The following CTNNA2 variants were observed in gnomAD, a reference collection of about 807,000 sequenced individuals.
The protein encoded by CTNNA2 is catenin alpha-2.
Under a neutral mutation model 101.0 loss-of-function variants are expected in CTNNA2, and 42 were observed. The ratio of observed to expected loss-of-function variants is 0.42; its 90% CI spans 0.32 to 0.54. The LOEUF (loss-of-function observed/expected upper bound fraction) is 0.54, where lower values mean the gene tolerates loss of function less well. Ranked by LOEUF, CTNNA2 falls within the 20% of genes least tolerant of loss-of-function variation. The probability of loss-of-function intolerance (pLI) is 0.14; values close to 1 mark genes in which losing one functional copy is unlikely to be tolerated. For missense variants in CTNNA2, 871 were observed against 1,223.1 expected, an observed-to-expected ratio of 0.71 and a Z score of 4.29; for synonymous variants, 450 against 456.4, an observed-to-expected ratio of 0.99 and a Z score of 0.18.
chr2:80,054,948 C>T (rs1697122866), intron 7 of CTNNA2, among the ~76,000 whole-genome samples: 2 of 152,026 alleles, frequency 1.3e-5, no homozygotes, highest in South Asian at 4.2e-4. Flanking sequence ...AAGAATGGTG[C>T]TATTTTTATA....
intron 2 of CTNNA2, among the ~76,000 whole-genome samples, chr2:79,291,431 C>A (rs1675810392): frequency 6.6e-6 from 1 of 152,174 alleles, no homozygotes; most frequent in South Asian, 2.1e-4. Flanking sequence ...CTTCCTCACA[C>A]CTGGGCCTAT....
intron 2 of CTNNA2, among the ~76,000 whole-genome samples, chr2:79,239,092 A>T (rs1217462295): frequency 6.6e-6 from 1 of 152,024 alleles, no homozygotes; most frequent in Non-Finnish European, 1.5e-5. Context: ...TGCATTAGCT[A>T]TTATTTTAAT....
At chr2:80,009,271 G>A (rs1395923491) in intron 7 of CTNNA2, among the ~76,000 whole-genome samples, 3 of 152,164 alleles carry the variant, frequency 2.0e-5, no homozygotes, top group Non-Finnish European at 4.4e-5. Flanking sequence ...CCTTCAATGT[G>A]ATTATTTTAC....
At chr2:80,338,296 CT>C (rs201060579) in intron 7 of CTNNA2, among the ~76,000 whole-genome samples, 2 of 125,630 alleles carry the variant, frequency 1.6e-5, no homozygotes, top group African/African-American at 7.1e-5. Context: ...GCCTTTTTTT[CT>C]TTTTCTTTTT....
intron 1 of CTNNA2, among the ~76,000 whole-genome samples, chr2:79,513,680 G>A (rs908606845): frequency 4.0e-5 from 6 of 151,450 alleles, no homozygotes; most frequent in Non-Finnish European, 1.5e-5. Flanking sequence ...TAGAGTACTG[G>A]GAACTGGAGG....
chr2:79,910,595 A>G (rs1402796987), intron 7 of CTNNA2, among the ~76,000 whole-genome samples: 3 of 152,214 alleles, frequency 2.0e-5, no homozygotes, highest in Non-Finnish European at 4.4e-5. Flanking sequence ...CGGGTTTGAG[A>G]TAATTTAGCA....
At position 79,744,395 on chromosome 2, in the gene CTNNA2, A is replaced by G; in HGVS notation, c.111A>G (p.Thr37=). The change falls in exon 3 of 19, where the codon ACA becomes ACG. Residue 37 remains threonine, a synonymous_variant. Coordinates refer to ENST00000402739, the MANE Select transcript of CTNNA2 (RefSeq NM_001282597.3). The stretch of plus-strand genomic sequence containing the variant: ...TCTCTTTTATATTTAAGGTGACTAC[A>G]CTTGTCAACACAAGCAACAAAGGCC... ...LLEPLVTQVT[T]LVNTSNKGPS... 6.2e-7 allele frequency: 1 copy of G among 1,610,668 alleles called. No homozygotes were observed.
intron 4 of CTNNA2, among the ~76,000 whole-genome samples, chr2:79,431,747 G>T (rs2104510615): frequency 6.6e-6 from 1 of 152,228 alleles, no homozygotes; most frequent in South Asian, 2.1e-4. Flanking sequence ...CCTTCCCTGA[G>T]GAGGCAACTC....
At position 80,322,660 on chromosome 2, in the gene CTNNA2, C is replaced by G. The variant is rs932433880; in HGVS notation, c.1057-70551C>G. Among the ~76,000 whole-genome samples the G allele has an allele frequency of 1.1e-4, 16 of 152,122 alleles. No homozygotes were observed. The East Asian group carries it at 2.9e-3, about 28-fold the overall frequency. On this transcript the variant is annotated intron_variant, in intron 7 of 18. Transcript: ENST00000402739. Reference sequence around the variant, plus strand: ...CCAGCCGCCGCGTGTGTTGTCAGGACGATCGGAAACGCGTGTGTGGGGAGA... The same window carrying G: ...CCAGCCGCCGCGTGTGTTGTCAGGAGGATCGGAAACGCGTGTGTGGGGAGA...
chr2:79,740,667 A>G (rs1671228081), intron 2 of CTNNA2, among the ~76,000 whole-genome samples: 1 of 152,218 alleles, frequency 6.6e-6, no homozygotes, highest in South Asian at 2.1e-4. Context: ...AGACAAATGT[A>G]GAGAATAAAT....
chr2:79,981,251 G>A (rs1271447908), intron 7 of CTNNA2, among the ~76,000 whole-genome samples: 6 of 152,126 alleles, frequency 3.9e-5, no homozygotes, highest in African/African-American at 7.2e-5. Flanking sequence ...TTTTAAGCAC[G>A]CATTTTTAGA....
intron 9 of CTNNA2, among the ~76,000 whole-genome samples, chr2:80,532,367 C>T (rs1690618355): frequency 1.3e-5 from 2 of 152,144 alleles, no homozygotes; most frequent in South Asian, 4.1e-4. Flanking sequence ...AATGTCAATC[C>T]TCCTTTGTCC....
chr2:79,877,389 C>T (rs920880667), intron 6 of CTNNA2, among the ~76,000 whole-genome samples: 1 of 152,094 alleles, frequency 6.6e-6, no homozygotes, highest in African/African-American at 2.4e-5. Context: ...GATTCACCTG[C>T]TGTAGATTTT....
At chr2:80,218,628 A>C (rs1160508366) in intron 7 of CTNNA2, among the ~76,000 whole-genome samples, 2 of 152,196 alleles carry the variant, frequency 1.3e-5, no homozygotes, top group Non-Finnish European at 2.9e-5. Flanking sequence ...CTTGACTGTA[A>C]AATGAGAGTA....
At chr2:80,089,284 C>T (rs903195263) in intron 7 of CTNNA2, among the ~76,000 whole-genome samples, 13 of 151,866 alleles carry the variant, frequency 8.6e-5, no homozygotes, top group East Asian at 3.9e-4. Context: ...TAGAGCTAGA[C>T]GCTAAAGACA....
intron 7 of CTNNA2, among the ~76,000 whole-genome samples, chr2:80,210,575 G>A (rs537509884): frequency 1.3e-5 from 2 of 152,238 alleles, no homozygotes; most frequent in Non-Finnish European, 2.9e-5. Context: ...AGTTTTCCAT[G>A]GTATATATGT....
At chr2:79,613,745 C>T (rs995088515) in intron 1 of CTNNA2, among the ~76,000 whole-genome samples, 3 of 152,116 alleles carry the variant, frequency 2.0e-5, no homozygotes, top group African/African-American at 7.2e-5. Context: ...GTCTCCAACT[C>T]CTGATCTCAA....
intron 7 of CTNNA2, among the ~76,000 whole-genome samples, chr2:80,368,793 AAAG>A (rs1033505090): frequency 4.6e-5 from 7 of 151,034 alleles, no homozygotes; most frequent in Non-Finnish European, 1.0e-4. Context: ...AAAGAAAAGA[AAAG>A]AAAAGAAAAT....
At chr2:80,426,470 G>T (rs1286534045) in intron 9 of CTNNA2, among the ~76,000 whole-genome samples, 1 of 152,146 alleles carries the variant, frequency 6.6e-6, no homozygotes, top group Non-Finnish European at 1.5e-5. Flanking sequence ...GCACACCTGA[G>T]TGCAAGCCAC....
Sources: gnomAD v4.1 joint callset for allele counts (sites outside exome capture counted in the v4.1 genomes callset) on GRCh38, gnomAD v4.1.1 for gene constraint, MANE v1.5 for transcripts, NCBI Gene and HGNC (gene_info 2026-07-23, HGNC 2026-07-21) for gene names.